Variants in HSPBP1 observed in about 807,000 individuals in gnomAD.
HSPBP1 encodes the protein HSPA (Hsp70) binding protein 1.
A neutral mutation model predicts 41.7 loss-of-function variants in HSPBP1; 31 were observed. That is an observed-to-expected ratio of 0.74 (90% CI 0.56 to 1.00). The LOEUF (loss-of-function observed/expected upper bound fraction) is 1.00, where lower values mean the gene tolerates loss of function less well. Among genes scored for constraint, HSPBP1 ranks in the 50% least tolerant of loss-of-function variants. The probability of loss-of-function intolerance (pLI) is 0.00; values close to 1 mark genes in which losing one functional copy is unlikely to be tolerated. For missense variants in HSPBP1, 439 were observed against 487.9 expected (o/e 0.90, Z 0.94); for synonymous variants, 199 against 214.4 (o/e 0.93, Z 0.63).
chr19:55,263,378 A>G (rs1266244992), intron 7 of HSPBP1, among the ~76,000 whole-genome samples: 1 of 152,186 alleles, frequency 6.6e-6, no homozygotes, highest in Non-Finnish European at 1.5e-5. Flanking sequence ...TCATGACTGG[A>G]GTGTCAATGG....
At chr19:55,267,990 G>A (rs2087830970) in intron 4 of HSPBP1, among the ~76,000 whole-genome samples, 1 of 152,218 alleles carries the variant, frequency 6.6e-6, no homozygotes, top group Non-Finnish European at 1.5e-5. Context: ...TGCTGGCCAA[G>A]AAGGACAGAA....
chr19:55,278,745 C>T (rs1352210280), intron 2 of HSPBP1, among the ~76,000 whole-genome samples: 1 of 152,138 alleles, frequency 6.6e-6, no homozygotes, highest in East Asian at 1.9e-4. Flanking sequence ...GAAACCCCTT[C>T]TCTACTAAAA....
Position 55,270,879 on chromosome 19 carries a change from AACACACACACC to A in HSPBP1, c.640+3508_640+3518del, listed in dbSNP as rs1314268072. Among the ~76,000 whole-genome samples the A allele has an allele frequency of 6.6e-6, 1 of 150,906 alleles. No individual in the cohort carries two copies. The highest frequency in any genetic ancestry group is 1.5e-5 in the Non-Finnish European group (1 of 67,686). On this transcript the variant is annotated intron_variant, in intron 4 of 7. Coordinates refer to ENST00000433386, the MANE Select transcript of HSPBP1 (RefSeq NM_012267.5). The surrounding 1 kb of genome is among the most constrained non-coding windows in gnomAD (Gnocchi z 5.4). ...ACACATCCCACACACATACACATGC[AACACACACACC>A]ACACACACCTCCACATATATACCAC...
intron 3 of HSPBP1, 56 bp downstream of exon 3, chr19:55,277,586 G>C: frequency 6.5e-7 from 1 of 1,529,132 alleles, no homozygotes; most frequent in Non-Finnish European, 8.9e-7. Flanking sequence ...CAAGAGCTGA[G>C]AGGCAGCAGG....
At chr19:55,274,292 G>A (rs1023706372) in intron 4 of HSPBP1, 106 bp downstream of exon 4, 9 of 1,061,050 alleles carry the variant, frequency 8.5e-6, no homozygotes, top group African/African-American at 4.7e-5. Context: ...GGGAACAAAC[G>A]AGGGAAGGAG....
chr19:55,274,379 G>GGGCCCCCC lies in HSPBP1; in HGVS notation c.640+18_640+19insGGGGGGCC. 2 of 215,102 alleles carry GGGCCCCCC rather than the reference G, an allele frequency of 9.3e-6. No homozygotes were observed. Among genetic ancestry groups the GGGCCCCCC allele is most frequent in the Non-Finnish European group, 1.4e-5 (2 of 146,974 alleles). The allele number at this position is 215,102 out of a possible 1,614,324, so 13.3% of individuals were successfully genotyped here. A position where few individuals can be genotyped will look rare whatever the true frequency, so the allele number is the denominator to read the frequency against. The stretch of plus-strand genomic sequence containing the variant: ...CCCACCGCCAGCACCCCTGTCCCCA[G>GGGCCCCCC]CCCCACCCGGACACTCACAGGAGAT... On this transcript the variant is annotated intron_variant, in intron 4 of 7. Transcript: ENST00000433386.
At chr19:55,267,747 C>T (rs2040499104) in intron 4 of HSPBP1, among the ~76,000 whole-genome samples, 1 of 152,244 alleles carries the variant, frequency 6.6e-6, no homozygotes, top group African/African-American at 2.4e-5. Flanking sequence ...GCGTGAGCCA[C>T]CGTCCCCAGT....
In HSPBP1 at chr19:55,270,234, C is replaced by T. The variant is rs1236975996; in HGVS notation, c.641-3948G>A. 7.9e-5 allele frequency among the ~76,000 whole-genome samples: 12 copies of T among 152,222 alleles called. No homozygotes were observed. The highest frequency in any genetic ancestry group is 1.5e-5 in the Non-Finnish European group (1 of 68,052). On this transcript the variant is annotated intron_variant, in intron 4 of 7. Transcript: ENST00000433386. The surrounding 1 kb of genome is among the most constrained non-coding windows in gnomAD (Gnocchi z 5.4). ...CTTGCCCTGCATCGTGCACAACTTT[C>T]GCTGGGGAAGCCGACCACCACGTGG...
rs1263214380 is a variant in HSPBP1, at chr19:55,272,794, C to T, written c.640+1604G>A. ...AGGAGGTTGTAGTGAGCCGAGATCG[C>T]GCCATTGCGCTCCAGCCTGGGTGAC... On this transcript the variant is annotated intron_variant, in intron 4 of 7. Coordinates refer to ENST00000433386, the MANE Select transcript of HSPBP1 (RefSeq NM_012267.5). The surrounding 1 kb of genome is among the most constrained non-coding windows in gnomAD (Gnocchi z 4.2). Among the ~76,000 whole-genome samples the T allele has an allele frequency of 3.3e-5, 5 of 151,124 alleles. No homozygotes were observed. Among genetic ancestry groups the T allele is most frequent in the Admixed American group, 3.3e-4 (5 of 15,156 alleles).
chr19:55,279,627 G>T lies in HSPBP1; in HGVS notation c.-19C>A, dbSNP rs1457333467. 1.9e-6 allele frequency: 3 copies of T among 1,565,808 alleles called. No homozygotes were observed. The highest frequency in any genetic ancestry group is 2.6e-6 in the Non-Finnish European group (3 of 1,155,486). ...CTGACATGGGCCGTTTGTGAAGAAG[G>T]GAAGAATGTGTTAGAGGGAGAAGGT... On this transcript the variant is annotated 5_prime_UTR_variant, in exon 2 of 8. Coordinates refer to ENST00000433386, the MANE Select transcript of HSPBP1 (RefSeq NM_012267.5).
chr19:55,274,558 T>G lies in HSPBP1; in HGVS notation c.480A>C (p.Gly160=). ...VGRYLEAGAA[G]LRWRAAQLIG... ...TGAGCTGTGCCGCCCGCCACCGCAG[T>G]CCCGCAGCCCCCGCCTCCAGGTACC... Residue 160 remains glycine, a synonymous_variant, in exon 4 of 8, where the codon GGA becomes GGC. Transcript: ENST00000433386. 1 of 1,608,962 alleles carries G rather than the reference T, an allele frequency of 6.2e-7. No homozygotes were observed. The highest frequency in any genetic ancestry group is 8.5e-7 in the Non-Finnish European group (1 of 1,179,624).
Position 55,263,442 on chromosome 19 carries a change from C to A in HSPBP1, c.1006-760G>T, listed in dbSNP as rs527739922. Among the ~76,000 whole-genome samples, 4 of 152,308 alleles carry A rather than the reference C, an allele frequency of 2.6e-5. No homozygotes were observed. The South Asian group carries it at 8.3e-4, about 32-fold the overall frequency. ...ATAGCTAATGAAACGGCCCTTAACC[C>A]TTTAACCTTCACCTTTAACATACCT... On this transcript the variant is annotated intron_variant, in intron 7 of 7. Coordinates refer to ENST00000433386, the MANE Select transcript of HSPBP1 (RefSeq NM_012267.5).
chr19:55,279,221 C>T (rs1421862701), intron 2 of HSPBP1, among the ~76,000 whole-genome samples, 178 bp downstream of exon 2: 2 of 152,166 alleles, frequency 1.3e-5, no homozygotes, highest in African/African-American at 2.4e-5. Flanking sequence ...ATCTGACCTT[C>T]AGTCAACGAT....
At chr19:55,267,886 A>G (rs2087828872) in intron 4 of HSPBP1, among the ~76,000 whole-genome samples, 1 of 152,222 alleles carries the variant, frequency 6.6e-6, no homozygotes, top group Non-Finnish European at 1.5e-5. Flanking sequence ...CCAGAGGGCA[A>G]TGAGAACTCT....
Position 55,277,816 on chromosome 19 carries a change from C to T in HSPBP1, c.241G>A (p.Ala81Thr), listed in dbSNP as rs866076608. The T allele has an allele frequency of 1.9e-6, 3 of 1,586,372 alleles. No homozygotes were observed. Among genetic ancestry groups the T allele is most frequent in the Non-Finnish European group, 2.6e-6 (3 of 1,164,400 alleles). ...RRQWLQEAMSAAFRGQREEVE... is the reference protein window; with the variant it reads ...RRQWLQEAMSTAFRGQREEVE... Reference sequence around the variant, plus strand: ...TCCTCCCGCTGGCCTCGGAAGGCAGCCGACATGGCCTCCTGCAGCCACTGA... The same window carrying T: ...TCCTCCCGCTGGCCTCGGAAGGCAGTCGACATGGCCTCCTGCAGCCACTGA... The change falls in exon 3 of 8, where the codon GCT becomes ACT. Residue 81 changes from alanine (A) to threonine (T), a missense_variant. Coordinates refer to ENST00000433386, the MANE Select transcript of HSPBP1 (RefSeq NM_012267.5).
chr19:55,266,554 A>G (rs2087794924), intron 4 of HSPBP1, among the ~76,000 whole-genome samples: 2 of 130,454 alleles, frequency 1.5e-5, no homozygotes, highest in African/African-American at 5.6e-5. Context: ...CATCACCAAC[A>G]TCACCATCAC....
chr19:55,270,668 CTG>C lies in HSPBP1; in HGVS notation c.640+3728_640+3729del, dbSNP rs1209554639. Reference sequence around the variant, plus strand: ...GAGGAAACGAGATTAATCCGTGTGTCTGTGTGCACACATACCACACACGACAC... The same window carrying C: ...GAGGAAACGAGATTAATCCGTGTGTCTGTGCACACATACCACACACGACAC... On this transcript the variant is annotated intron_variant, in intron 4 of 7. Coordinates refer to ENST00000433386, the MANE Select transcript of HSPBP1 (RefSeq NM_012267.5). The surrounding 1 kb of genome is among the most constrained non-coding windows in gnomAD (Gnocchi z 5.4). Among the ~76,000 whole-genome samples, 1 of 152,018 alleles carries C rather than the reference CTG, an allele frequency of 6.6e-6. No homozygotes were observed. Among genetic ancestry groups the C allele is most frequent in the African/African-American group, 2.4e-5 (1 of 41,356 alleles).
intron 4 of HSPBP1, among the ~76,000 whole-genome samples, chr19:55,269,389 G>A (rs1002579405): frequency 4.6e-5 from 7 of 151,964 alleles, no homozygotes; most frequent in African/African-American, 1.2e-4. Flanking sequence ...CCAGCTCACC[G>A]CCCACCTTCC....
chr19:55,279,791 T>C (rs2088184321), intron 1 of HSPBP1, 89 bp from the exon 2 acceptor site: 3 of 1,428,496 alleles, frequency 2.1e-6, no homozygotes, highest in Non-Finnish European at 1.9e-6. Flanking sequence ...CACAGCCCCT[T>C]TTCCTTCCTT....
Sources: gnomAD v4.1 joint callset for allele counts (sites outside exome capture counted in the v4.1 genomes callset) on GRCh38, gnomAD v4.1.1 for gene constraint, Gnocchi (gnomAD v3.1) non-coding constraint, MANE v1.5 for transcripts, NCBI Gene and HGNC (gene_info 2026-07-23, HGNC 2026-07-21) for gene names.